TADA3: variants seen among roughly 807,000 people sequenced by gnomAD.
TADA3 encodes transcriptional adapter 3.
TADA3 carries 25 observed loss-of-function variants against 43.2 expected under a neutral mutation model. That is an observed-to-expected ratio of 0.58 (90% CI 0.42 to 0.81). The LOEUF (loss-of-function observed/expected upper bound fraction) is 0.81. Ranked by LOEUF, TADA3 falls within the 30% of genes least tolerant of loss-of-function variation. TADA3 has a pLI of 0.00. For synonymous variants in TADA3, 235 were observed against 225.5 expected (o/e 1.04, Z -0.38); for missense variants, 441 against 567.8 (o/e 0.78, Z 2.27).
chr3:9,784,541 G>GT (rs2078559883), intron 7 of TADA3, among the ~76,000 whole-genome samples: 1 of 151,872 alleles, frequency 6.6e-6, no homozygotes, highest in African/African-American at 2.4e-5. Flanking sequence ...ATTAGTCCAG[G>GT]TTTTTTCCCT....
chr3:9,792,907 C>T, upstream of TADA3: 8 of 1,398,394 alleles, frequency 5.7e-6, no homozygotes, highest in Non-Finnish European at 7.4e-6. Context: ...TAAATAGTGA[C>T]TCGAGTGCAA....
chr3:9,781,531 A>G (rs549822314), intron 8 of TADA3: 23 of 456,580 alleles, frequency 5.0e-5, no homozygotes, highest in African/African-American at 4.2e-4. Flanking sequence ...GTGCCAGCAG[A>G]AGGCCTGCTT....
At chr3:9,780,640 G>A in intron 8 of TADA3, 91 bp from the exon 9 acceptor site, 1 of 1,356,328 alleles carries the variant, frequency 7.4e-7, no homozygotes, top group Non-Finnish European at 9.9e-7. Context: ...CACCAGCCCA[G>A]GCTGGCATGC....
chr3:9,791,256 T>C lies in TADA3; in HGVS notation c.207+4A>G, dbSNP rs757870717. 5.0e-6 allele frequency: 8 copies of C among 1,610,284 alleles called. No individual in the cohort carries two copies. The Admixed American group carries it at 6.7e-5, about 13-fold the overall frequency. On this transcript the variant is annotated splice_donor_region_variant and intron_variant, in intron 2 of 8. Transcript: ENST00000301964. ...TGGTGCTGGCCCCTCTCTGGGGTTA[T>C]CACCTGGGTTTCGGCCTCAAGCACA...
intron 6 of TADA3, among the ~76,000 whole-genome samples, chr3:9,786,317 C>T (rs995244622): frequency 6.6e-6 from 1 of 152,130 alleles, no homozygotes; most frequent in South Asian, 2.1e-4. Context: ...CCACCGTCAG[C>T]TGGGGTCCCT....
At chr3:9,786,959 T>G (rs1379532447) in intron 6 of TADA3, 47 bp downstream of exon 6, 1 of 1,535,040 alleles carries the variant, frequency 6.5e-7, no homozygotes, top group Middle Eastern at 1.8e-4. Context: ...CATAACACAT[T>G]AAAACACAAA....
At chr3:9,784,275 G>A (rs866689051) in intron 7 of TADA3, 62 bp from the exon 8 acceptor site, 3 of 1,552,156 alleles carry the variant, frequency 1.9e-6, no homozygotes, top group Middle Eastern at 4.2e-4. Flanking sequence ...CCACCTTGGA[G>A]GTTCCCAGGG....
Position 9,785,323 on chromosome 3 carries a change from G to A in TADA3, c.913C>T (p.Pro305Ser), listed in dbSNP as rs1443647296. 6.2e-7 allele frequency: 1 copy of A among 1,613,518 alleles called. No individual in the cohort carries two copies. Among genetic ancestry groups the A allele is most frequent in the Admixed American group, 1.7e-5 (1 of 59,986 alleles). ...ASTSPRNQNK[P>S]FSVPHTKSLE... Reference sequence around the variant, plus strand: ...GGATAGGACACCACTCACCTGAAGGGCTTGTTCTGATTGCGAGGGGAGGTG... The same window carrying A: ...GGATAGGACACCACTCACCTGAAGGACTTGTTCTGATTGCGAGGGGAGGTG... The change falls in exon 7 of 9, where the codon CCC becomes TCC. Residue 305 changes from proline (P) to serine (S), a missense_variant. Pro to Ser is a moderately conservative substitution (Grantham distance 74). Coordinates refer to ENST00000301964, the MANE Select transcript of TADA3 (RefSeq NM_006354.5).
upstream of TADA3, chr3:9,792,572 G>A (rs1432644682): frequency 8.1e-7 from 1 of 1,229,132 alleles, no homozygotes; most frequent in East Asian, 3.2e-5. Context: ...TGGGCCTCGA[G>A]CAAAGCCGCT....
At chr3:9,791,561 C>T in intron 1 of TADA3, 68 bp from the exon 2 acceptor site, 4 of 934,476 alleles carry the variant, frequency 4.3e-6, no homozygotes, top group Non-Finnish European at 6.3e-6. Flanking sequence ...TTCTTACCTC[C>T]AGGGACAGCC....
rs565216534 is a variant in TADA3, at chr3:9,783,710, G to T, written c.1106+318C>A. 388 of 207,780 alleles carry T rather than the reference G, an allele frequency of 1.9e-3. 1 individual carries two copies. Among genetic ancestry groups the T allele is most frequent in the Non-Finnish European group, 2.8e-3 (286 of 103,966 alleles). 12.9% of individuals were successfully genotyped at this position (207,780 alleles called of 1,614,324 possible). On this transcript the variant is annotated intron_variant, in intron 8 of 8. Coordinates refer to ENST00000301964, the MANE Select transcript of TADA3 (RefSeq NM_006354.5). ...GGAGAATGGCATGAACCTGGGAGGC[G>T]GAGCTTGCAGTGAGCCGAGATCATG... is the stretch of plus-strand genomic sequence containing the variant.
chr3:9,780,983 A>T (rs188790083), intron 8 of TADA3, among the ~76,000 whole-genome samples: 3 of 152,216 alleles, frequency 2.0e-5, no homozygotes, highest in African/African-American at 4.8e-5. Context: ...CAAAAAATTT[A>T]AAAAATTAGC....
At chr3:9,790,458 C>T (rs142760752) in intron 2 of TADA3, among the ~76,000 whole-genome samples, 1 of 152,182 alleles carries the variant, frequency 6.6e-6, no homozygotes, top group East Asian at 1.9e-4. Flanking sequence ...CTTCACAGCT[C>T]CAACGTGCAC....
chr3:9,791,205 T>C, intron 2 of TADA3, 55 bp downstream of exon 2: 7 of 1,545,666 alleles, frequency 4.5e-6, no homozygotes, highest in Non-Finnish European at 6.2e-6. Flanking sequence ...CAATGACCCA[T>C]CCCATAACTT....
chr3:9,791,207 C>A, intron 2 of TADA3, 53 bp downstream of exon 2: 1 of 1,556,940 alleles, frequency 6.4e-7, no homozygotes, highest in Admixed American at 1.8e-5. Context: ...ATGACCCATC[C>A]CATAACTTGT....
chr3:9,790,657 A>G (rs1474728979), intron 2 of TADA3, among the ~76,000 whole-genome samples: 1 of 152,232 alleles, frequency 6.6e-6, no homozygotes, highest in Non-Finnish European at 1.5e-5. Context: ...GCAAATAAAT[A>G]ACATCTGAAG....
intron 8 of TADA3, among the ~76,000 whole-genome samples, chr3:9,781,296 T>TAC (rs1434855004): frequency 6.6e-6 from 1 of 151,866 alleles, no homozygotes; most frequent in Non-Finnish European, 1.5e-5. Flanking sequence ...TATATATATA[T>TAC]ACATACACAC....
chr3:9,781,477 G>A (rs1480728266), intron 8 of TADA3: 1 of 454,474 alleles, frequency 2.2e-6, no homozygotes, highest in East Asian at 7.0e-5. Flanking sequence ...GAGCAGGCTG[G>A]GGCCAAACTC....
Position 9,785,437 on chromosome 3 carries a change from C to G in TADA3, c.811-12G>C, listed in dbSNP as rs2078584646. ...GAAATAATATTTTCCTAGAAGACCACAAAAATGAGTGGAAGGAAAAATAGC... is the reference window on the plus strand; with the variant it reads ...GAAATAATATTTTCCTAGAAGACCAGAAAAATGAGTGGAAGGAAAAATAGC... On this transcript the variant is annotated splice_polypyrimidine_tract_variant and intron_variant, in intron 6 of 8. Transcript: ENST00000301964. The G allele has an allele frequency of 1.9e-6, 3 of 1,585,868 alleles. No homozygotes were observed. Among genetic ancestry groups the G allele is most frequent in the Non-Finnish European group, 2.6e-6 (3 of 1,155,480 alleles).
Sources: allele counts gnomAD v4.1 joint callset (sites outside exome capture counted in the v4.1 genomes callset), GRCh38; gene constraint gnomAD v4.1.1; transcripts MANE v1.5; gene names NCBI Gene and HGNC (gene_info 2026-07-23, HGNC 2026-07-21).